Variants in CLDN2 observed in about 807,000 individuals in gnomAD.
CLDN2 encodes the protein claudin-2.
Under a neutral mutation model 8.2 loss-of-function variants are expected in CLDN2, and 1 was observed. That is an observed-to-expected ratio of 0.12 (90% CI 0.04 to 0.58). CLDN2 has a LOEUF of 0.58. Ranked by LOEUF, CLDN2 falls within the 20% of genes least tolerant of loss-of-function variation. CLDN2 has a pLI of 0.90. For missense variants in CLDN2, 108 were observed against 172.9 expected, an observed-to-expected ratio of 0.62 and a Z score of 2.11; for synonymous variants, 70 against 70.2, an observed-to-expected ratio of 1.00 and a Z score of 0.01.
rs772413787 is a variant in CLDN2, at chrX:106,901,185, A to G, written c.-179+681A>G. Among the ~76,000 whole-genome samples the G allele has an allele frequency of 1.1e-4, 12 of 112,253 alleles. No homozygotes were observed. The Admixed American group carries it at 1.1e-3, about 10-fold the overall frequency. ...TCTGACTCCACCTGCTACCTACCCC[A>G]GAAAGCTTCTAGCCAAGAATTCTCC... On this transcript the variant is annotated intron_variant, in intron 1 of 1. Coordinates refer to the CLDN2 transcript ENST00000541806.
At chrX:106,903,826 T>G (rs780172524) in intron 1 of CLDN2, among the ~76,000 whole-genome samples, 2 of 112,428 alleles carry the variant, frequency 1.8e-5, no homozygotes, top group Admixed American at 1.9e-4. Context: ...GTGACTGCCA[T>G]TAAGCATATC....
intron 1 of CLDN2, among the ~76,000 whole-genome samples, chrX:106,909,045 G>A (rs1410219359): frequency 8.9e-6 from 1 of 111,942 alleles, no homozygotes; most frequent in African/African-American, 3.3e-5. Context: ...CATGGAGGAG[G>A]AGGAGATTGA....
chrX:106,907,702 AAATAATAAT>A (rs200946606), intron 1 of CLDN2, among the ~76,000 whole-genome samples: 1,915 of 95,347 alleles, frequency 0.02, 36 homozygotes, highest in African/African-American at 0.06. Flanking sequence ...CTCCGTCTCA[AAATAATAAT>A]AATAATAATA....
intron 1 of CLDN2, among the ~76,000 whole-genome samples, chrX:106,902,755 C>T (rs2147786147): frequency 8.9e-6 from 1 of 112,045 alleles, no homozygotes; most frequent in African/African-American, 3.2e-5. Flanking sequence ...AAGACAATGT[C>T]CCAGTCAAGG....
At chrX:106,913,948 CTTT>C (rs35925693), upstream of CLDN2, among the ~76,000 whole-genome samples, 17 of 77,501 alleles carry the variant, frequency 2.2e-4, no homozygotes, top group African/African-American at 8.9e-4. Context: ...CACTAGAAAA[CTTT>C]TTTTTTTTTT....
At chrX:106,914,996 A>G (rs753484285), upstream of CLDN2, among the ~76,000 whole-genome samples, 46 of 111,935 alleles carry the variant, frequency 4.1e-4, no homozygotes, top group Non-Finnish European at 8.1e-4. Context: ...TAATTTCCTT[A>G]TGCCACTCCA....
At chrX:106,921,090 G>A (rs1391545806) in intron 1 of CLDN2, among the ~76,000 whole-genome samples, 1 of 112,322 alleles carries the variant, frequency 8.9e-6, no homozygotes, top group African/African-American at 3.2e-5. Context: ...CTCTTCAAGT[G>A]CCCTCTTTGA....
chrX:106,906,074 T>C (rs562065130), intron 1 of CLDN2, among the ~76,000 whole-genome samples: 37 of 112,251 alleles, frequency 3.3e-4, no homozygotes, highest in Middle Eastern at 4.6e-3. Context: ...GGCCTGCAAG[T>C]GTTGCTAGGC....
chrX:106,902,109 G>A (rs1328915198), intron 1 of CLDN2: 2 of 1,150,106 alleles, frequency 1.7e-6, no homozygotes, highest in South Asian at 1.9e-5. Context: ...GTGGCTGCAT[G>A]TGAACACACG....
chrX:106,909,081 G>A (rs982557716), intron 1 of CLDN2, among the ~76,000 whole-genome samples: 2 of 111,974 alleles, frequency 1.8e-5, no homozygotes, highest in Non-Finnish European at 3.8e-5. Flanking sequence ...AGGAGGCTGA[G>A]AGAAGGTGGA....
intron 1 of CLDN2, chrX:106,903,316 C>G (rs1933134987): frequency 8.5e-7 from 1 of 1,171,336 alleles, no homozygotes; most frequent in Non-Finnish European, 1.1e-6. Flanking sequence ...AGTGGGGTCT[C>G]CTACTTCCCA....
intron 1 of CLDN2, chrX:106,900,886 A>G: frequency 1.7e-6 from 2 of 1,210,809 alleles, no homozygotes; most frequent in African/African-American, 1.7e-5. Context: ...TAGTCGAAGG[A>G]GCGGGATTTA....
At position 106,928,801 on chromosome X, in the gene CLDN2, C is replaced by G; in HGVS notation, c.573C>G (p.Arg191=). The G allele has an allele frequency of 8.3e-7, 1 of 1,211,415 alleles. No individual in the cohort carries two copies. Among genetic ancestry groups the G allele is most frequent in the Non-Finnish European group, 1.1e-6 (1 of 895,268 alleles). The change falls in exon 2 of 2, where the codon CGC becomes CGG. Residue 191 remains arginine, a synonymous_variant. Coordinates refer to ENST00000336803, the MANE Select transcript of CLDN2 (RefSeq NM_020384.4). ...TTTCCTGCTCATCCCAGAGAAATCG[C>G]TCCAACTACTACGATGCCTACCAAG... ...LCFSCSSQRN[R]SNYYDAYQAQ...
At chrX:106,900,652 G>A in intron 1 of CLDN2, 1 of 1,076,409 alleles carries the variant, frequency 9.3e-7, no homozygotes, top group Non-Finnish European at 1.2e-6. Flanking sequence ...CCTCCATTTG[G>A]ATAGGTTAGG....
intron 1 of CLDN2, chrX:106,901,046 T>G (rs1933085242): frequency 2.0e-6 from 2 of 1,007,846 alleles, no homozygotes; most frequent in South Asian, 2.8e-5. Flanking sequence ...AGAAAGAAAG[T>G]TTTGTAACAG....
chrX:106,925,757 A>G (rs1933457049), intron 1 of CLDN2, among the ~76,000 whole-genome samples: 1 of 112,683 alleles, frequency 8.9e-6, no homozygotes, highest in Non-Finnish European at 1.9e-5. Flanking sequence ...CTGTAATCCC[A>G]GCATTTTGGG....
intron 1 of CLDN2, chrX:106,902,191 C>T (rs759761220): frequency 1.8e-5 from 21 of 1,186,197 alleles, no homozygotes; most frequent in Non-Finnish European, 2.4e-5. Flanking sequence ...TGGAAGACAG[C>T]CAGGGCCTCC....
chrX:106,917,376 G>A (rs1222549465), upstream of CLDN2, among the ~76,000 whole-genome samples: 2 of 112,197 alleles, frequency 1.8e-5, no homozygotes, highest in African/African-American at 3.2e-5. Context: ...TTTCAAGGAA[G>A]ACAAGGTTAT....
intron 1 of CLDN2, among the ~76,000 whole-genome samples, chrX:106,923,216 G>T (rs1301869253): frequency 2.7e-5 from 3 of 112,097 alleles, no homozygotes; most frequent in African/African-American, 9.7e-5. Flanking sequence ...CTCGTGATCT[G>T]CCCGCCTCGG....
Sources: gnomAD v4.1 joint callset for allele counts (sites outside exome capture counted in the v4.1 genomes callset) on GRCh38, gnomAD v4.1.1 for gene constraint, MANE v1.5 for transcripts, NCBI Gene and HGNC (gene_info 2026-07-23, HGNC 2026-07-21) for gene names.